SKA1: variants seen among roughly 807,000 people sequenced by gnomAD.
The protein encoded by SKA1 is SKA complex subunit 1.
A neutral mutation model predicts 31.8 loss-of-function variants in SKA1; 20 were observed. The ratio of observed to expected loss-of-function variants is 0.63; its 90% CI spans 0.44 to 0.91. The LOEUF is 0.91. Among genes scored for constraint, SKA1 ranks in the 40% least tolerant of loss-of-function variants. The pLI, the probability that SKA1 is intolerant of heterozygous loss-of-function variation, is 0.00. For synonymous variants in SKA1, 88 were observed against 100.5 expected (o/e 0.88, Z 0.74); for missense variants, 253 against 298.2 (o/e 0.85, Z 1.12).
At chr18:50,389,867 T>A (rs139893510) in intron 5 of SKA1, among the ~76,000 whole-genome samples, 1 of 152,356 alleles carries the variant, frequency 6.6e-6, no homozygotes, top group African/African-American at 2.4e-5. Context: ...CATAAAGAGC[T>A]ATTGGAAGGA....
intron 5 of SKA1, among the ~76,000 whole-genome samples, chr18:50,385,910 A>T (rs58038925): frequency 0.065 from 9,832 of 152,268 alleles, 899 homozygotes; most frequent in African/African-American, 0.2. Context: ...GGGCTTTGCT[A>T]AACTTCTAAG....
chr18:50,387,689 T>TA (rs1408706424), intron 5 of SKA1, among the ~76,000 whole-genome samples: 1 of 152,246 alleles, frequency 6.6e-6, no homozygotes, highest in Non-Finnish European at 1.5e-5. Flanking sequence ...TCATTTCTGT[T>TA]AGAGTTCTTT....
chr18:50,392,289 A>C lies in SKA1; in HGVS notation c.*42A>C. On this transcript the variant is annotated 3_prime_UTR_variant, in exon 7 of 7. Coordinates refer to ENST00000285116, the MANE Select transcript of SKA1 (RefSeq NM_145060.4). ...TGAACATACCAACAGGGTATAGAGT[A>C]TAGAGGCTATTTCTATAATTTTCTT... The C allele has an allele frequency of 1.6e-6, 2 of 1,218,932 alleles. No individual in the cohort carries two copies. The highest frequency in any genetic ancestry group is 2.1e-6 in the Non-Finnish European group (2 of 931,046). 75.5% of individuals were successfully genotyped at this position (1,218,932 alleles called of 1,614,324 possible). A position where few individuals can be genotyped will look rare whatever the true frequency, so the allele number is the denominator to read the frequency against.
At chr18:50,384,281 C>T (rs2041284515) in intron 4 of SKA1, among the ~76,000 whole-genome samples, 1 of 152,056 alleles carries the variant, frequency 6.6e-6, no homozygotes, top group Non-Finnish European at 1.5e-5. Context: ...ATTTCTTATA[C>T]TTGTTATTAT....
At chr18:50,378,003 C>G (rs1299868745) in intron 2 of SKA1, among the ~76,000 whole-genome samples, 1 of 152,210 alleles carries the variant, frequency 6.6e-6, no homozygotes, top group Non-Finnish European at 1.5e-5. Context: ...GGTCCCTCAG[C>G]TCATGAGTAC....
chr18:50,385,146 T>C (rs532847070), intron 4 of SKA1, 70 bp from the exon 5 acceptor site: 12 of 1,275,788 alleles, frequency 9.4e-6, no homozygotes, highest in Non-Finnish European at 9.7e-6. Context: ...TTATTTTCAG[T>C]TGGGAAAACT....
intron 3 of SKA1, 136 bp downstream of exon 3, chr18:50,380,386 G>A (rs1599724479): frequency 3.0e-6 from 3 of 987,980 alleles, no homozygotes; most frequent in East Asian, 6.8e-5. Context: ...TGCCATTTAT[G>A]TTTTATTTTC....
intron 5 of SKA1, among the ~76,000 whole-genome samples, chr18:50,386,684 T>C (rs2041310910): frequency 1.3e-5 from 2 of 152,222 alleles, no homozygotes; most frequent in Admixed American, 1.3e-4. Flanking sequence ...AGAATTTCAC[T>C]ATCCTAAAAA....
At chr18:50,381,644 G>A (rs2041263121) in intron 3 of SKA1, among the ~76,000 whole-genome samples, 1 of 151,022 alleles carries the variant, frequency 6.6e-6, no homozygotes, top group South Asian at 2.1e-4. Flanking sequence ...TCCAAAAACA[G>A]CTCTAGAAAC....
chr18:50,390,844 C>T (rs2041351195), intron 5 of SKA1, among the ~76,000 whole-genome samples: 1 of 152,094 alleles, frequency 6.6e-6, no homozygotes, highest in African/African-American at 2.4e-5. Flanking sequence ...TTAATCAGTC[C>T]ATTTGAATCA....
At chr18:50,386,745 T>C (rs1037790559) in intron 5 of SKA1, among the ~76,000 whole-genome samples, 2 of 152,216 alleles carry the variant, frequency 1.3e-5, no homozygotes, top group African/African-American at 4.8e-5. Context: ...TATCTCCCAC[T>C]GAACCCCAGA....
At chr18:50,390,419 C>A (rs1013137721) in intron 5 of SKA1, among the ~76,000 whole-genome samples, 1 of 152,120 alleles carries the variant, frequency 6.6e-6, no homozygotes, top group African/African-American at 2.4e-5. Flanking sequence ...AATTGAGAGT[C>A]TCCTGTTTTT....
chr18:50,389,099 C>T (rs1470429120), intron 5 of SKA1, among the ~76,000 whole-genome samples: 1 of 151,162 alleles, frequency 6.6e-6, no homozygotes, highest in Non-Finnish European at 1.5e-5. Flanking sequence ...TACCAGCTTT[C>T]AGTTTGCTCC....
chr18:50,383,098 C>G (rs551083918), intron 4 of SKA1, among the ~76,000 whole-genome samples: 33 of 152,236 alleles, frequency 2.2e-4, no homozygotes, highest in East Asian at 7.7e-4. Context: ...CCTCAAATGT[C>G]CATCCTCTCT....
At chr18:50,391,828 G>A (rs1004443744) in intron 6 of SKA1, among the ~76,000 whole-genome samples, 1 of 152,054 alleles carries the variant, frequency 6.6e-6, no homozygotes, top group Non-Finnish European at 1.5e-5. Context: ...ACACTGTTAC[G>A]GGTTTTATTC....
chr18:50,379,321 A>G (rs1020652333), intron 2 of SKA1, among the ~76,000 whole-genome samples: 10 of 152,160 alleles, frequency 6.6e-5, no homozygotes, highest in African/African-American at 2.4e-4. Flanking sequence ...TGTTTTTGCC[A>G]GGTACCCAGG....
chr18:50,384,871 T>TAAAAAAAAAAAAA (rs10608403), intron 4 of SKA1, among the ~76,000 whole-genome samples: 3 of 82,600 alleles, frequency 3.6e-5, no homozygotes, highest in Non-Finnish European at 6.3e-5. Context: ...AAAAAAAAAT[T>TAAAAAAAAAAAAA]AAAAAAAAAA....
rs565539361 is a variant in SKA1 at position 50,387,621 on chromosome 18, C to T, written c.449+2268C>T. Among the ~76,000 whole-genome samples, 75 of 152,214 alleles carry T rather than the reference C, an allele frequency of 4.9e-4. No individual in the cohort carries two copies. In the South Asian group the frequency reaches 5.0e-3, roughly 10 times the overall value. ...TTATCTATTGATGTATCTTCAAGTT[C>T]GCTGATTCTTTCTTTAGCTGAGTCT... On this transcript the variant is annotated intron_variant, in intron 5 of 6. Transcript: ENST00000285116.
At chr18:50,391,319 A>G in intron 6 of SKA1, 26 bp downstream of exon 6, 1 of 1,532,706 alleles carries the variant, frequency 6.5e-7, no homozygotes, top group South Asian at 1.3e-5. Context: ...ATATGTGTGT[A>G]CATGTGAACT....
Sources: allele counts gnomAD v4.1 joint callset (sites outside exome capture counted in the v4.1 genomes callset), GRCh38; gene constraint gnomAD v4.1.1; transcripts MANE v1.5; gene names NCBI Gene and HGNC (gene_info 2026-07-23, HGNC 2026-07-21).